Variants in CMPK1 observed in about 807,000 individuals in gnomAD.
CMPK1 encodes the protein UMP-CMP kinase.
In CMPK1, 10 loss-of-function variants were observed where a neutral mutation model predicts 25.7. The observed-to-expected ratio is 0.39, with a 90% CI of 0.24 to 0.66. The LOEUF (loss-of-function observed/expected upper bound fraction) is 0.66. Ranked by LOEUF, CMPK1 falls within the 30% of genes least tolerant of loss-of-function variation. The pLI is 0.48. For missense variants in CMPK1, 199 were observed against 280.5 expected (o/e 0.71, Z 2.08); for synonymous variants, 106 against 101.5 (o/e 1.04, Z -0.27).
At position 47,374,126 on chromosome 1, in the gene CMPK1, C is replaced by T. The variant is rs188291525; in HGVS notation, c.472-783C>T. On this transcript the variant is annotated intron_variant, in intron 3 of 5. Transcript: ENST00000371873. ...TTGCCCAGGCTGGAGTACAGTGGCACGATCTTAGCTCACTGCAACCTCCCA... is the reference window on the plus strand; with the variant it reads ...TTGCCCAGGCTGGAGTACAGTGGCATGATCTTAGCTCACTGCAACCTCCCA... Among the ~76,000 whole-genome samples, 145 of 152,214 alleles carry T rather than the reference C, an allele frequency of 9.5e-4. 2 individuals are homozygous for T. Among genetic ancestry groups the T allele is most frequent in the African/African-American group, 3.4e-3 (142 of 41,538 alleles).
intron 1 of CMPK1, among the ~76,000 whole-genome samples, chr1:47,344,161 T>G (rs1430246355): frequency 6.6e-6 from 1 of 151,880 alleles, no homozygotes; most frequent in Non-Finnish European, 1.5e-5. Flanking sequence ...CAGGATAGAA[T>G]GATAAATCCT....
At chr1:47,348,391 AT>A (rs1646499844) in intron 1 of CMPK1, among the ~76,000 whole-genome samples, 1 of 152,068 alleles carries the variant, frequency 6.6e-6, no homozygotes, top group Admixed American at 6.6e-5. Context: ...AATTAAGAAC[AT>A]TTTTACAGAC....
chr1:47,367,700 A>G (rs527608736), intron 1 of CMPK1, among the ~76,000 whole-genome samples: 2 of 152,308 alleles, frequency 1.3e-5, no homozygotes, highest in Non-Finnish European at 2.9e-5. Flanking sequence ...TTTAAAATCA[A>G]TTGTATGATT....
intron 1 of CMPK1, among the ~76,000 whole-genome samples, chr1:47,338,761 G>T (rs1449637349): frequency 6.6e-6 from 1 of 151,874 alleles, no homozygotes; most frequent in Non-Finnish European, 1.5e-5. Context: ...TAAGTTTCCA[G>T]AATGGAATTA....
At position 47,377,051 on chromosome 1, in the gene CMPK1, A is replaced by C. The variant is rs761320410; in HGVS notation, c.*306A>C. On this transcript the variant is annotated 3_prime_UTR_variant, in exon 6 of 6. Coordinates refer to ENST00000371873, the MANE Select transcript of CMPK1 (RefSeq NM_016308.3). Reference sequence around the variant, plus strand: ...GTGCCTTCTGTGAGCAAAACTTTTTAGTACGCGTATATATCCCTCTAGTAA... The same window carrying C: ...GTGCCTTCTGTGAGCAAAACTTTTTCGTACGCGTATATATCCCTCTAGTAA... 1.2e-4 allele frequency: 25 copies of C among 211,560 alleles called. No homozygotes were observed. The highest frequency in any genetic ancestry group is 2.2e-4 in the Non-Finnish European group (23 of 106,882). 13.1% of individuals were successfully genotyped at this position (211,560 alleles called of 1,614,324 possible). A position where few individuals can be genotyped will look rare whatever the true frequency, so the allele number is the denominator to read the frequency against.
At chr1:47,344,386 G>T (rs748525127) in intron 1 of CMPK1, among the ~76,000 whole-genome samples, 4 of 152,168 alleles carry the variant, frequency 2.6e-5, no homozygotes, top group Non-Finnish European at 1.5e-5. Context: ...TGAGTAAAGT[G>T]TGAGAGGGTA....
At chr1:47,364,764 TTATA>T (rs1646627577) in intron 1 of CMPK1, among the ~76,000 whole-genome samples, 2 of 150,404 alleles carry the variant, frequency 1.3e-5, no homozygotes, top group African/African-American at 4.9e-5. Context: ...TTATGTGAAT[TTATA>T]TATGTTTTGT....
intron 1 of CMPK1, among the ~76,000 whole-genome samples, chr1:47,335,010 G>T (rs559609614): frequency 6.6e-6 from 1 of 152,254 alleles, no homozygotes; most frequent in East Asian, 1.9e-4. Flanking sequence ...TTGGTTAGCT[G>T]CATTGACACT....
chr1:47,342,058 A>G (rs185898658), intron 1 of CMPK1, among the ~76,000 whole-genome samples: 1 of 151,880 alleles, frequency 6.6e-6, no homozygotes, highest in African/African-American at 2.4e-5. Flanking sequence ...CTACAGGCTC[A>G]CACCACCAGG....
intron 2 of CMPK1, among the ~76,000 whole-genome samples, chr1:47,369,392 G>A (rs377427622): frequency 4.3e-4 from 66 of 152,214 alleles, no homozygotes; most frequent in African/African-American, 1.5e-3. Context: ...GGAAGAAAGC[G>A]GACAGTGGCA....
At chr1:47,362,028 G>T (rs1462570198) in intron 1 of CMPK1, among the ~76,000 whole-genome samples, 1 of 151,912 alleles carries the variant, frequency 6.6e-6, no homozygotes, top group African/African-American at 2.4e-5. Context: ...GCGCCACTAT[G>T]CCTGGCTAAT....
At chr1:47,371,911 A>C (rs915403809) in intron 2 of CMPK1, among the ~76,000 whole-genome samples, 4 of 152,160 alleles carry the variant, frequency 2.6e-5, no homozygotes, top group Admixed American at 2.0e-4. Flanking sequence ...TGTCTTGGTT[A>C]ATGGTTCTGC....
intron 2 of CMPK1, 119 bp from the exon 3 acceptor site, chr1:47,372,836 C>T: frequency 1.7e-6 from 1 of 586,850 alleles, no homozygotes; most frequent in Non-Finnish European, 2.6e-6. Context: ...GCTATGTACC[C>T]TCCACCCTTT....
intron 1 of CMPK1, 98 bp downstream of exon 1, chr1:47,334,214 C>G: frequency 1.8e-6 from 2 of 1,127,262 alleles, no homozygotes; most frequent in Admixed American, 8.9e-5. Context: ...GTCGCCGAGC[C>G]GCAGACTACG....
chr1:47,349,900 G>A (rs1450302181), intron 1 of CMPK1, among the ~76,000 whole-genome samples: 3 of 152,066 alleles, frequency 2.0e-5, no homozygotes, highest in Non-Finnish European at 4.4e-5. Flanking sequence ...CCGCCTCCCG[G>A]TTCAAGTGAT....
intron 1 of CMPK1, among the ~76,000 whole-genome samples, chr1:47,346,942 C>G (rs1017938839): frequency 1.3e-5 from 2 of 151,862 alleles, no homozygotes; most frequent in Non-Finnish European, 2.9e-5. Context: ...CGCCACCATA[C>G]CCGGCTAATT....
chr1:47,373,983 T>G (rs1646692453), intron 3 of CMPK1, among the ~76,000 whole-genome samples: 2 of 152,254 alleles, frequency 1.3e-5, no homozygotes, highest in Non-Finnish European at 2.9e-5. Flanking sequence ...AGTTAGTACC[T>G]TGAAAGAAGT....
At chr1:47,364,515 C>T (rs2149332427) in intron 1 of CMPK1, among the ~76,000 whole-genome samples, 1 of 151,726 alleles carries the variant, frequency 6.6e-6, no homozygotes, top group East Asian at 1.9e-4. Context: ...ACGGGGGTTT[C>T]ACCATGTTAG....
intron 1 of CMPK1, among the ~76,000 whole-genome samples, chr1:47,361,904 CTTA>C (rs1646605653): frequency 9.4e-6 from 1 of 106,026 alleles, no homozygotes; most frequent in Admixed American, 1.1e-4. Flanking sequence ...GAGTTTTGCT[CTTA>C]TTGCCCAGGC....
Sources: allele counts gnomAD v4.1 joint callset (sites outside exome capture counted in the v4.1 genomes callset), GRCh38; gene constraint gnomAD v4.1.1; transcripts MANE v1.5; gene names NCBI Gene and HGNC (gene_info 2026-07-23, HGNC 2026-07-21).